The following QTMAN variants were observed in gnomAD, a reference collection of about 807,000 sequenced individuals.
QTMAN encodes the protein queuosine-tRNA mannosyltransferase.
At chr2:144,274,052 T>C in the QTMAN span, among the ~76,000 whole-genome samples, 1 of 152,102 alleles carries the variant, frequency 6.6e-6, no homozygotes, top group African/African-American at 2.4e-5. Context: ...GAGAATCGCT[T>C]GAACCCGGGA....
the QTMAN span, among the ~76,000 whole-genome samples, chr2:144,045,980 C>A: frequency 6.6e-6 from 1 of 152,172 alleles, no homozygotes; most frequent in African/African-American, 2.4e-5. Context: ...ATAATCAAAT[C>A]TGATGCTGCT....
the QTMAN span, among the ~76,000 whole-genome samples, chr2:144,016,117 CA>C: frequency 1.1e-3 from 172 of 152,172 alleles, 2 homozygotes; most frequent in African/African-American, 4.0e-3. Context: ...AATATTCATT[CA>C]AAAAATATTT....
At chr2:143,973,768 G>C in the QTMAN span, among the ~76,000 whole-genome samples, 3 of 148,094 alleles carry the variant, frequency 2.0e-5, no homozygotes, top group East Asian at 2.0e-4. Flanking sequence ...CAGCCTGGGC[G>C]ACAGAGCGAA....
chr2:144,035,427 G>T, the QTMAN span, among the ~76,000 whole-genome samples: 1 of 152,038 alleles, frequency 6.6e-6, no homozygotes, highest in East Asian at 1.9e-4. Flanking sequence ...CAAAAATATT[G>T]TACTCTTCTT....
At chr2:144,152,790 T>G in the QTMAN span, among the ~76,000 whole-genome samples, 1 of 152,304 alleles carries the variant, frequency 6.6e-6, no homozygotes, top group Middle Eastern at 3.4e-3. Flanking sequence ...ATCACCCCGT[T>G]CTAAAAGAAC....
chr2:144,222,251 A>G, the QTMAN span, among the ~76,000 whole-genome samples: 1 of 151,092 alleles, frequency 6.6e-6, no homozygotes. Flanking sequence ...AGTAGAGACG[A>G]GGTTTCACCA....
chr2:144,032,420 A>G, the QTMAN span, among the ~76,000 whole-genome samples: 1 of 152,270 alleles, frequency 6.6e-6, no homozygotes, highest in Non-Finnish European at 1.5e-5. Flanking sequence ...GCTATTGTTA[A>G]GAATAAACCC....
chr2:144,270,585 AT>A, the QTMAN span, among the ~76,000 whole-genome samples: 1 of 149,736 alleles, frequency 6.7e-6, no homozygotes, highest in African/African-American at 2.4e-5. Context: ...GTTCTCACTC[AT>A]AAGTGGAAGT....
At chr2:144,039,295 T>A in the QTMAN span, among the ~76,000 whole-genome samples, 4 of 152,078 alleles carry the variant, frequency 2.6e-5, no homozygotes, top group South Asian at 8.3e-4. Flanking sequence ...CCCTCCCCCC[T>A]GCTCCTTTTA....
At chr2:144,053,123 G>A in the QTMAN span, among the ~76,000 whole-genome samples, 2 of 152,160 alleles carry the variant, frequency 1.3e-5, no homozygotes, top group African/African-American at 2.4e-5. Flanking sequence ...AATCAATTTA[G>A]TGAGTCATGA....
At chr2:144,184,036 A>C in the QTMAN span, among the ~76,000 whole-genome samples, 1 of 152,198 alleles carries the variant, frequency 6.6e-6, no homozygotes, top group Non-Finnish European at 1.5e-5. Flanking sequence ...ATGAAAGGAG[A>C]CATTTAAAGA....
At chr2:144,055,069 AAGG>A in the QTMAN span, among the ~76,000 whole-genome samples, 1 of 152,170 alleles carries the variant, frequency 6.6e-6, no homozygotes, top group South Asian at 2.1e-4. Context: ...AATTTTTGAA[AAGG>A]AAGAAGAAGA....
chr2:144,057,262 A>G, the QTMAN span, among the ~76,000 whole-genome samples: 1 of 152,188 alleles, frequency 6.6e-6, no homozygotes, highest in African/African-American at 2.4e-5. Flanking sequence ...ACATTGGAAA[A>G]CTTTCTTGAA....
the QTMAN span, chr2:144,006,198 T>G: frequency 3.9e-5 from 6 of 152,112 alleles, no homozygotes; most frequent in Non-Finnish European, 7.4e-5. Flanking sequence ...ACATCAACTT[T>G]CAATCCCTAC....
the QTMAN span, among the ~76,000 whole-genome samples, chr2:144,153,793 T>C: frequency 6.6e-6 from 1 of 152,208 alleles, no homozygotes; most frequent in Non-Finnish European, 1.5e-5. Flanking sequence ...CATAATATTG[T>C]AATGTTGATG....
the QTMAN span, among the ~76,000 whole-genome samples, chr2:144,077,158 C>T: frequency 6.6e-6 from 1 of 151,972 alleles, no homozygotes; most frequent in Non-Finnish European, 1.5e-5. Context: ...TACTTCAAAC[C>T]AGTGCCATGT....
At chr2:144,216,635 A>C in the QTMAN span, among the ~76,000 whole-genome samples, 1 of 152,324 alleles carries the variant, frequency 6.6e-6, no homozygotes, top group South Asian at 2.1e-4. Context: ...TATTGTTGAC[A>C]GAAGCAGAAT....
the QTMAN span, among the ~76,000 whole-genome samples, chr2:144,227,095 C>A: frequency 7.9e-5 from 12 of 152,138 alleles, no homozygotes; most frequent in African/African-American, 2.9e-4. Context: ...TCAACTAATG[C>A]AAAATCTGCT....
the QTMAN span, among the ~76,000 whole-genome samples, chr2:144,214,299 T>C: frequency 1.3e-5 from 2 of 152,194 alleles, no homozygotes; most frequent in Non-Finnish European, 2.9e-5. Flanking sequence ...CATAGCAAAT[T>C]CATCTTAACC....
Sources: gnomAD v4.1 joint callset for allele counts (sites outside exome capture counted in the v4.1 genomes callset) on GRCh38, gnomAD v4.1.1 for gene constraint, MANE v1.5 for transcripts, NCBI Gene and HGNC (gene_info 2026-07-23, HGNC 2026-07-21) for gene names.